The following EEFSEC variants were observed in gnomAD, a reference collection of about 807,000 sequenced individuals.
The protein encoded by EEFSEC is selenocysteine-specific elongation factor.
EEFSEC carries 43 observed loss-of-function variants against 42.1 expected under a neutral mutation model. The observed-to-expected ratio is 1.02, with a 90% CI of 0.80 to 1.32. The LOEUF is 1.32. Ranked by LOEUF, EEFSEC falls within the 40% of genes most tolerant of loss-of-function variation. The pLI, the probability that EEFSEC is intolerant of heterozygous loss-of-function variation, is 0.00. For synonymous variants in EEFSEC, 354 were observed against 339.1 expected (o/e 1.04, Z -0.48); for missense variants, 745 against 803.6 (o/e 0.93, Z 0.88).
chr3:128,157,121 G>A (rs1944394864), intron 1 of EEFSEC, among the ~76,000 whole-genome samples: 2 of 152,192 alleles, frequency 1.3e-5, no homozygotes, highest in African/African-American at 4.8e-5. Context: ...AGTTTTAGTG[G>A]TCTGGATAGA....
chr3:128,384,437 A>C (rs1040112068), intron 6 of EEFSEC, among the ~76,000 whole-genome samples: 1 of 152,212 alleles, frequency 6.6e-6, no homozygotes, highest in Non-Finnish European at 1.5e-5. Context: ...GATGGAGATG[A>C]GCAGACCAGA....
At chr3:128,237,608 T>A (rs2066026128) in intron 1 of EEFSEC, among the ~76,000 whole-genome samples, 1 of 152,244 alleles carries the variant, frequency 6.6e-6, no homozygotes, top group Non-Finnish European at 1.5e-5. Context: ...CCTGCTCCCC[T>A]CTCCCAGCTC....
chr3:128,343,186 TGTG>T (rs1362679664), intron 5 of EEFSEC, among the ~76,000 whole-genome samples: 2 of 152,202 alleles, frequency 1.3e-5, no homozygotes, highest in African/African-American at 2.4e-5. Context: ...CGGTGTCACA[TGTG>T]GTGGGCTTCC....
intron 6 of EEFSEC, among the ~76,000 whole-genome samples, chr3:128,365,031 C>T (rs1174480385): frequency 3.3e-5 from 5 of 152,248 alleles, no homozygotes; most frequent in Non-Finnish European, 5.9e-5. Context: ...TCCCTTAGCC[C>T]TGCAGCCTTC....
At chr3:128,304,760 A>G (rs907840334) in intron 4 of EEFSEC, among the ~76,000 whole-genome samples, 11 of 151,702 alleles carry the variant, frequency 7.3e-5, no homozygotes, top group Non-Finnish European at 8.8e-5. Context: ...CTGGAATGCA[A>G]TGGTGCGTTC....
chr3:128,411,361 G>A (rs1339385601), downstream of EEFSEC, among the ~76,000 whole-genome samples: 2 of 152,250 alleles, frequency 1.3e-5, no homozygotes, highest in Non-Finnish European at 2.9e-5. Flanking sequence ...CAGCAGTGAT[G>A]TGGCAGCAGC....
At chr3:128,312,391 C>CAGGTGCT (rs2066899103) in intron 4 of EEFSEC, among the ~76,000 whole-genome samples, 1 of 152,228 alleles carries the variant, frequency 6.6e-6, no homozygotes, top group Non-Finnish European at 1.5e-5. Flanking sequence ...AGTTTTGGTC[C>CAGGTGCT]TGTCCAACTG....
At chr3:128,344,526 TGA>T (rs1369052421) in intron 5 of EEFSEC, among the ~76,000 whole-genome samples, 3 of 152,192 alleles carry the variant, frequency 2.0e-5, no homozygotes, top group African/African-American at 7.2e-5. Flanking sequence ...AAATGTGAAG[TGA>T]CCTGCCCAAG....
intron 6 of EEFSEC, among the ~76,000 whole-genome samples, chr3:128,388,207 C>T (rs899683156): frequency 1.3e-5 from 2 of 152,162 alleles, no homozygotes; most frequent in Admixed American, 6.5e-5. Flanking sequence ...CCAATTTGGT[C>T]GCCTTCCTTG....
At position 128,406,125 on chromosome 3, in the gene EEFSEC, G is replaced by A. The variant is rs1357121810; in HGVS notation, c.1601-1944G>A. On this transcript the variant is annotated intron_variant, in intron 6 of 6. Transcript: ENST00000254730. The stretch of plus-strand genomic sequence containing the variant: ...GAGGTGCTCTGCCAGGGGTGGAACT[G>A]CTCCGAGCCCTGGGCCCACCCACTC... Among the ~76,000 whole-genome samples the A allele has an allele frequency of 2.0e-5, 3 of 152,232 alleles. No homozygotes were observed. In the East Asian group the frequency reaches 5.8e-4, roughly 29 times the overall value.
intron 4 of EEFSEC, among the ~76,000 whole-genome samples, chr3:128,268,100 C>T (rs1008870641): frequency 6.6e-6 from 1 of 152,222 alleles, no homozygotes. Flanking sequence ...GGGGAGTAGC[C>T]ACAGAGGTCA....
intron 4 of EEFSEC, among the ~76,000 whole-genome samples, chr3:128,268,475 T>C (rs191658431): frequency 1.3e-5 from 2 of 152,300 alleles, no homozygotes; most frequent in Admixed American, 1.3e-4. Flanking sequence ...GGGTAGACTA[T>C]AGTAGGTTAA....
At chr3:128,324,034 G>C (rs55925538) in intron 4 of EEFSEC, among the ~76,000 whole-genome samples, 5 of 152,096 alleles carry the variant, frequency 3.3e-5, no homozygotes, top group African/African-American at 1.2e-4. Context: ...AAGGAGGCAC[G>C]TGTAGCCATG....
intron 4 of EEFSEC, among the ~76,000 whole-genome samples, chr3:128,306,115 G>A (rs921833431): frequency 1.3e-5 from 2 of 152,126 alleles, no homozygotes; most frequent in South Asian, 4.2e-4. Context: ...CACTGTGAAG[G>A]GAGAATATGG....
At chr3:128,198,487 A>G (rs2065609604) in intron 1 of EEFSEC, among the ~76,000 whole-genome samples, 1 of 152,208 alleles carries the variant, frequency 6.6e-6, no homozygotes, top group South Asian at 2.1e-4. Flanking sequence ...TCCATTTCAG[A>G]AAGGGCACTC....
chr3:128,243,284 C>T (rs1252806104), intron 1 of EEFSEC, among the ~76,000 whole-genome samples: 1 of 152,170 alleles, frequency 6.6e-6, no homozygotes. Flanking sequence ...CAACTGGCTC[C>T]TGAGTGTTTG....
At chr3:128,409,646 G>C (rs1038809334), downstream of EEFSEC, among the ~76,000 whole-genome samples, 1 of 152,234 alleles carries the variant, frequency 6.6e-6, no homozygotes, top group Non-Finnish European at 1.5e-5. Context: ...CCCGGTGAGC[G>C]TGGCCTCCGC....
intron 1 of EEFSEC, among the ~76,000 whole-genome samples, chr3:128,185,194 T>G (rs1357098786): frequency 6.6e-6 from 1 of 152,226 alleles, no homozygotes; most frequent in African/African-American, 2.4e-5. Flanking sequence ...TATTTAATGT[T>G]TGATTATAGG....
intron 2 of EEFSEC, among the ~76,000 whole-genome samples, chr3:128,251,551 T>A (rs1239212134): frequency 6.6e-6 from 1 of 152,250 alleles, no homozygotes; most frequent in Non-Finnish European, 1.5e-5. Context: ...TTTTAATTTG[T>A]GGTTCTTTAT....
Sources: allele counts gnomAD v4.1 joint callset (sites outside exome capture counted in the v4.1 genomes callset), GRCh38; gene constraint gnomAD v4.1.1; transcripts MANE v1.5; gene names NCBI Gene and HGNC (gene_info 2026-07-23, HGNC 2026-07-21).